FHIT: variants seen among roughly 807,000 people sequenced by gnomAD.
The protein encoded by FHIT is fragile histidine triad diadenosine triphosphatase, also known as bis(5'-adenosyl)-triphosphatase.
In FHIT, 19 loss-of-function variants were observed where a neutral mutation model predicts 17.9. The ratio of observed to expected loss-of-function variants is 1.06; its 90% CI spans 0.74 to 1.56. FHIT has a LOEUF of 1.56. FHIT is among the 40% of genes most tolerant of loss of function. The pLI, the probability that FHIT is intolerant of heterozygous loss-of-function variation, is 0.00. For missense variants in FHIT, 248 were observed against 189.2 expected, an observed-to-expected ratio of 1.31 and a Z score of -1.82; for synonymous variants, 81 against 69.7, an observed-to-expected ratio of 1.16 and a Z score of -0.81.
chr3:61,000,203 G>A (rs1303556455), intron 3 of FHIT, among the ~76,000 whole-genome samples: 15 of 152,200 alleles, frequency 9.9e-5, no homozygotes, highest in Admixed American at 9.2e-4. Context: ...CTTTGGGAGA[G>A]GGTTGTCTAT....
In FHIT at chr3:60,509,642, T is replaced by C. The variant is rs139024971; in HGVS notation, c.103+27218A>G. ...TATTTTGCTATTCGCAAGTGACAGA[T>C]GACTTGGAAAGCATGTCCACTTTAG... On this transcript the variant is annotated intron_variant, in intron 5 of 9. Transcript: ENST00000492590. 3.8e-3 allele frequency among the ~76,000 whole-genome samples: 582 copies of C among 152,246 alleles called. 6 individuals carry two copies. Among genetic ancestry groups the C allele is most frequent in the African/African-American group, 0.014 (564 of 41,580 alleles).
intron 8 of FHIT, among the ~76,000 whole-genome samples, chr3:59,868,049 A>ATTT (rs1237659156): frequency 3.6e-3 from 372 of 101,928 alleles, no homozygotes; most frequent in Middle Eastern, 0.015. Flanking sequence ...TTTTTTTTTA[A>ATTT]AAAAAAAAAA....
chr3:60,702,736 C>T (rs150345542), intron 4 of FHIT, among the ~76,000 whole-genome samples: 1 of 152,158 alleles, frequency 6.6e-6, no homozygotes, highest in African/African-American at 2.4e-5. Flanking sequence ...AAGCAGAACC[C>T]ATAACACAGT....
intron 5 of FHIT, among the ~76,000 whole-genome samples, chr3:60,311,652 G>A (rs570366234): frequency 3.9e-4 from 60 of 152,290 alleles, no homozygotes; most frequent in African/African-American, 1.3e-3. Context: ...TAGGACCAAT[G>A]CATAATTGCT....
chr3:60,411,756 T>C (rs909380264), intron 5 of FHIT, among the ~76,000 whole-genome samples: 3 of 152,130 alleles, frequency 2.0e-5, no homozygotes, highest in Non-Finnish European at 4.4e-5. Context: ...TCACATGTTG[T>C]ATAATCTTGG....
chr3:60,909,802 C>G (rs1706632505), intron 3 of FHIT, among the ~76,000 whole-genome samples: 1 of 152,106 alleles, frequency 6.6e-6, no homozygotes, highest in Non-Finnish European at 1.5e-5. Flanking sequence ...ATACCATTGC[C>G]TAGTACCTTT....
intron 4 of FHIT, among the ~76,000 whole-genome samples, chr3:60,548,901 A>C (rs1412267963): frequency 6.6e-6 from 1 of 152,154 alleles, no homozygotes; most frequent in Non-Finnish European, 1.5e-5. Flanking sequence ...CTAACCCATC[A>C]CGGGGATTTG....
intron 6 of FHIT, 110 bp downstream of exon 6, chr3:60,013,896 TA>T: frequency 8.5e-7 from 1 of 1,177,684 alleles, no homozygotes; most frequent in Non-Finnish European, 1.2e-6. Flanking sequence ...GGCTGCTACC[TA>T]AAATACAAAC....
chr3:60,858,696 G>A (rs985050488), intron 3 of FHIT, among the ~76,000 whole-genome samples: 1 of 152,178 alleles, frequency 6.6e-6, no homozygotes, highest in South Asian at 2.1e-4. Context: ...ATCGGAGACA[G>A]ATGAGAATGA....
At chr3:60,898,229 G>GTAT (rs1705929342) in intron 3 of FHIT, among the ~76,000 whole-genome samples, 1 of 151,902 alleles carries the variant, frequency 6.6e-6, no homozygotes, top group South Asian at 2.1e-4. Flanking sequence ...AGGCTACATG[G>GTAT]TATTATACTG....
chr3:61,088,625 C>A (rs747692557), intron 2 of FHIT, among the ~76,000 whole-genome samples: 2 of 152,028 alleles, frequency 1.3e-5, no homozygotes, highest in African/African-American at 2.4e-5. Context: ...ATGAAGGAAC[C>A]TTATGAGGGA....
At chr3:60,116,668 G>A (rs972420812) in intron 5 of FHIT, among the ~76,000 whole-genome samples, 1 of 152,088 alleles carries the variant, frequency 6.6e-6, no homozygotes, top group African/African-American at 2.4e-5. Flanking sequence ...CTCTAATGGT[G>A]AAATAAAAAG....
chr3:60,296,989 G>A (rs1174714384), intron 5 of FHIT, among the ~76,000 whole-genome samples: 1 of 148,662 alleles, frequency 6.7e-6, no homozygotes, highest in African/African-American at 2.5e-5. Flanking sequence ...CTATTCTGTT[G>A]CATTTATCTA....
At chr3:60,542,855 A>G (rs530950457) in intron 4 of FHIT, among the ~76,000 whole-genome samples, 4 of 152,250 alleles carry the variant, frequency 2.6e-5, no homozygotes, top group Non-Finnish European at 5.9e-5. Flanking sequence ...ATATATTCCT[A>G]TATTTTCTTC....
intron 8 of FHIT, among the ~76,000 whole-genome samples, chr3:59,754,837 T>G (rs1488895001): frequency 6.6e-6 from 1 of 152,216 alleles, no homozygotes. Context: ...TTAAAAGTTA[T>G]GAGATTTCCC....
rs376419196 is a variant in FHIT, at chr3:60,618,701, T to C, written c.-17-81722A>G. On this transcript the variant is annotated intron_variant, in intron 4 of 9. Transcript: ENST00000492590. ...AAAAGATTTTGCAAATGTGATTAAG[T>C]TGAAATTTGATTAAGTTAAGGGCCT... Among the ~76,000 whole-genome samples, 127 of 152,234 alleles carry C rather than the reference T, an allele frequency of 8.3e-4. 1 individual carries two copies. Among genetic ancestry groups the C allele is most frequent in the South Asian group, 5.2e-3 (25 of 4,824 alleles).
intron 4 of FHIT, among the ~76,000 whole-genome samples, chr3:60,705,353 C>T (rs1183283663): frequency 6.6e-6 from 1 of 152,110 alleles, no homozygotes; most frequent in African/African-American, 2.4e-5. Flanking sequence ...GAAATAAGAA[C>T]CTTCACCTTG....
chr3:60,635,446 G>A (rs530973045), intron 4 of FHIT, among the ~76,000 whole-genome samples: 9 of 152,154 alleles, frequency 5.9e-5, no homozygotes, highest in South Asian at 4.2e-4. Flanking sequence ...TTCATAAGCC[G>A]TTTTCTTGCA....
At chr3:60,347,488 T>C (rs372542192) in intron 5 of FHIT, among the ~76,000 whole-genome samples, 6 of 152,030 alleles carry the variant, frequency 3.9e-5, no homozygotes, top group Non-Finnish European at 8.8e-5. Context: ...GGGGGGACGA[T>C]TACTCATGCA....
Sources: allele counts gnomAD v4.1 joint callset (sites outside exome capture counted in the v4.1 genomes callset), GRCh38; gene constraint gnomAD v4.1.1; transcripts MANE v1.5; gene names NCBI Gene and HGNC (gene_info 2026-07-23, HGNC 2026-07-21).